Variants in SLC25A26 observed in about 807,000 individuals in gnomAD.
SLC25A26 encodes the protein mitochondrial S-adenosylmethionine carrier protein.
In SLC25A26, 36 loss-of-function variants were observed where a neutral mutation model predicts 37.8. The observed-to-expected ratio is 0.95, with a 90% CI of 0.73 to 1.26. The LOEUF (loss-of-function observed/expected upper bound fraction) is 1.26, where lower values mean the gene tolerates loss of function less well. Among genes scored for constraint, SLC25A26 ranks in the 50% most tolerant of loss-of-function variants. The pLI, the probability that SLC25A26 is intolerant of heterozygous loss-of-function variation, is 0.00. For synonymous variants in SLC25A26, 129 were observed against 122.5 expected (o/e 1.05, Z -0.35); for missense variants, 390 against 331.1 (o/e 1.18, Z -1.38).
At chr3:66,243,018 A>G (rs926555949) in intron 2 of SLC25A26, among the ~76,000 whole-genome samples, 185 bp from the exon 3 acceptor site, 1 of 152,242 alleles carries the variant, frequency 6.6e-6, no homozygotes, top group Non-Finnish European at 1.5e-5. Context: ...GTCTAAGATC[A>G]GGCATATACC....
At chr3:66,160,283 C>T (rs1345669065) in intron 1 of SLC25A26, among the ~76,000 whole-genome samples, 1 of 152,184 alleles carries the variant, frequency 6.6e-6, no homozygotes, top group Non-Finnish European at 1.5e-5. Flanking sequence ...AGCCACCACA[C>T]CCAGCCTAAT....
chr3:66,343,231 T>C (rs908987036), intron 5 of SLC25A26, among the ~76,000 whole-genome samples: 5 of 152,236 alleles, frequency 3.3e-5, no homozygotes, highest in African/African-American at 1.2e-4. Context: ...CTTTCACATG[T>C]GTGGAACACA....
intron 5 of SLC25A26, among the ~76,000 whole-genome samples, chr3:66,299,244 T>G (rs2074999769): frequency 6.6e-6 from 1 of 152,116 alleles, no homozygotes; most frequent in South Asian, 2.1e-4. Flanking sequence ...CAGGCTGGAG[T>G]GCAGTGGCAC....
intron 5 of SLC25A26, among the ~76,000 whole-genome samples, chr3:66,338,485 C>A (rs2076139115): frequency 6.6e-6 from 1 of 151,982 alleles, no homozygotes; most frequent in Non-Finnish European, 1.5e-5. Flanking sequence ...TAGTGGATAA[C>A]AGCACCTCAT....
chr3:66,376,490 C>T (rs1700655450), intron 9 of SLC25A26, among the ~76,000 whole-genome samples: 1 of 152,214 alleles, frequency 6.6e-6, no homozygotes, highest in Non-Finnish European at 1.5e-5. Flanking sequence ...GACCCTCTAT[C>T]AGCCAGAAGA....
intron 1 of SLC25A26, 60 bp from the exon 2 acceptor site, chr3:66,236,484 G>T: frequency 7.3e-7 from 1 of 1,367,690 alleles, no homozygotes; most frequent in South Asian, 1.6e-5. Context: ...CCAAGTGGCC[G>T]AGAGCTTATT....
intron 1 of SLC25A26, among the ~76,000 whole-genome samples, chr3:66,148,677 T>G (rs553519582): frequency 6.6e-6 from 1 of 152,364 alleles, no homozygotes; most frequent in Non-Finnish European, 1.5e-5. Flanking sequence ...TCTACCATAT[T>G]GAAAAAGGAA....
At chr3:66,181,022 G>A (rs890540016) in intron 1 of SLC25A26, among the ~76,000 whole-genome samples, 2 of 152,190 alleles carry the variant, frequency 1.3e-5, no homozygotes, top group African/African-American at 4.8e-5. Flanking sequence ...TGCAAGCCAG[G>A]AAGAGAGCCT....
At chr3:66,233,091 A>G (rs782182497) in intron 1 of SLC25A26, among the ~76,000 whole-genome samples, 1 of 152,128 alleles carries the variant, frequency 6.6e-6, no homozygotes, top group Non-Finnish European at 1.5e-5. Context: ...GGCCTCTATT[A>G]ATTTTGCTTA....
At chr3:66,345,595 C>T (rs937787670) in intron 5 of SLC25A26, among the ~76,000 whole-genome samples, 2 of 151,460 alleles carry the variant, frequency 1.3e-5, no homozygotes, top group African/African-American at 4.9e-5. Context: ...TTCTTCCACT[C>T]CTTTCTCTCT....
At chr3:66,217,092 A>G (rs1177590631), upstream of SLC25A26, among the ~76,000 whole-genome samples, 1 of 152,240 alleles carries the variant, frequency 6.6e-6, no homozygotes, top group African/African-American at 2.4e-5. Flanking sequence ...GATAAATTAC[A>G]TTTCCCTCCA....
rs1282988855 is a variant in SLC25A26, at chr3:66,280,762, A to G, written c.453+17383A>G. 1.3e-5 allele frequency among the ~76,000 whole-genome samples: 2 copies of G among 151,916 alleles called. 1 individual carries two copies. The highest frequency in any genetic ancestry group is 4.8e-5 in the African/African-American group (2 of 41,314). On this transcript the variant is annotated intron_variant, in intron 5 of 9. Transcript: ENST00000354883. ...TTTTCCCCAGGATTCACCAGTTAAC[A>G]TTTTGCTTAATCTGCTCTGCTCCTC...
intron 2 of SLC25A26, among the ~76,000 whole-genome samples, chr3:66,240,335 A>G (rs1165441106): frequency 6.6e-6 from 1 of 152,112 alleles, no homozygotes; most frequent in Non-Finnish European, 1.5e-5. Context: ...CGTTGCCCAG[A>G]CTGGAGTGCA....
At chr3:66,255,387 A>G (rs1243157915) in intron 3 of SLC25A26, among the ~76,000 whole-genome samples, 1 of 152,192 alleles carries the variant, frequency 6.6e-6, no homozygotes, top group Non-Finnish European at 1.5e-5. Context: ...AAATCTTGGT[A>G]GCAGCATCAT....
At chr3:66,312,100 G>C (rs1257062955) in intron 5 of SLC25A26, among the ~76,000 whole-genome samples, 2 of 152,204 alleles carry the variant, frequency 1.3e-5, no homozygotes, top group African/African-American at 4.8e-5. Flanking sequence ...ACAGCTGCCT[G>C]TTCCCCCAGG....
At chr3:66,176,364 C>G (rs1365414172) in intron 1 of SLC25A26, among the ~76,000 whole-genome samples, 1 of 152,148 alleles carries the variant, frequency 6.6e-6, no homozygotes, top group Admixed American at 6.5e-5. Context: ...GCTCTTGTAG[C>G]CAGAAGGGGG....
At chr3:66,155,041 G>A (rs976351102) in intron 1 of SLC25A26, among the ~76,000 whole-genome samples, 1 of 152,204 alleles carries the variant, frequency 6.6e-6, no homozygotes, top group African/African-American at 2.4e-5. Flanking sequence ...TAGGCAGCAT[G>A]TGCTACAAAG....
intron 1 of SLC25A26, among the ~76,000 whole-genome samples, chr3:66,139,766 G>C (rs1050842150): frequency 8.5e-5 from 13 of 152,168 alleles, no homozygotes; most frequent in Non-Finnish European, 1.8e-4. Context: ...TACTCTACTT[G>C]AGTTACTTCT....
chr3:66,273,412 A>G (rs2074022607), intron 5 of SLC25A26, among the ~76,000 whole-genome samples: 1 of 152,188 alleles, frequency 6.6e-6, no homozygotes, highest in East Asian at 1.9e-4. Context: ...CTGTGAATCC[A>G]TCTGGTCCTG....
Sources: allele counts gnomAD v4.1 joint callset (sites outside exome capture counted in the v4.1 genomes callset), GRCh38; gene constraint gnomAD v4.1.1; transcripts MANE v1.5; gene names NCBI Gene and HGNC (gene_info 2026-07-23, HGNC 2026-07-21).